ZBTB20: variants seen among roughly 807,000 people sequenced by gnomAD.
The protein encoded by ZBTB20 is zinc finger and BTB domain-containing protein 20.
ZBTB20 carries 9 observed loss-of-function variants against 56.9 expected under a neutral mutation model. The ratio of observed to expected loss-of-function variants is 0.16; its 90% confidence interval spans 0.10 to 0.28. The LOEUF (loss-of-function observed/expected upper bound fraction) is 0.28. Among genes scored for constraint, ZBTB20 ranks in the 10% least tolerant of loss-of-function variants. The probability of loss-of-function intolerance (pLI) is 1.00; values close to 1 mark genes in which losing one functional copy is unlikely to be tolerated. For synonymous variants in ZBTB20, 417 were observed against 420.7 expected (o/e 0.99, Z 0.11); for missense variants, 655 against 1,003.0 (o/e 0.65, Z 4.69).
rs1165405698 is a variant in ZBTB20 at position 114,656,880 on chromosome 3, TGGG to T, written c.-295+36645_-295+36647del. Among the ~76,000 whole-genome samples, 3 of 152,138 alleles carry T rather than the reference TGGG, an allele frequency of 2.0e-5. No homozygotes were observed. The East Asian group carries it at 5.8e-4, about 29-fold the overall frequency. Reference sequence around the variant, plus strand: ...CTCATGCCTCAGCCTTCTGAGTAGCTGGGATTATAAGCATACGCCACCACATCT... The same window carrying T: ...CTCATGCCTCAGCCTTCTGAGTAGCTATTATAAGCATACGCCACCACATCT... On this transcript the variant is annotated intron_variant, in intron 6 of 11. Coordinates refer to ENST00000675478, the MANE Select transcript of ZBTB20 (RefSeq NM_001348800.3).
At chr3:114,560,298 C>G (rs1200327556) in intron 6 of ZBTB20, among the ~76,000 whole-genome samples, 2 of 152,164 alleles carry the variant, frequency 1.3e-5, no homozygotes, top group Non-Finnish European at 2.9e-5. Flanking sequence ...TGTAAGGTTT[C>G]TCTTGAGTCT....
rs368042164 is a variant in ZBTB20 at position 115,085,941 on chromosome 3, T to C, written c.-702-14527A>G. Among the ~76,000 whole-genome samples the C allele has an allele frequency of 1.3e-4, 20 of 151,966 alleles. No homozygotes were observed. The South Asian group carries it at 2.3e-3, about 17-fold the overall frequency. ...CTCCCTTGCACTCAAATTTAGGAGT[T>C]CATAAAAACAATTTTTAAAAGCACC... is the stretch of plus-strand genomic sequence containing the variant. On this transcript the variant is annotated intron_variant, in intron 1 of 11. Transcript: ENST00000675478.
chr3:115,131,239 T>A (rs992391964), intron 1 of ZBTB20, among the ~76,000 whole-genome samples: 1 of 152,188 alleles, frequency 6.6e-6, no homozygotes, highest in Non-Finnish European at 1.5e-5. Context: ...TTAGTATGCA[T>A]CCTGCTACAT....
chr3:114,976,468 T>A (rs972186600), intron 2 of ZBTB20, among the ~76,000 whole-genome samples: 66 of 151,938 alleles, frequency 4.3e-4, no homozygotes, highest in African/African-American at 1.6e-3. Context: ...TCTACTAAAA[T>A]ACAAAAAATT....
At chr3:114,911,779 T>C (rs915249541) in intron 3 of ZBTB20, among the ~76,000 whole-genome samples, 2 of 151,406 alleles carry the variant, frequency 1.3e-5, no homozygotes, top group Non-Finnish European at 2.9e-5. Context: ...TATGGGACAA[T>C]ACCAAGTGTA....
chr3:114,714,591 C>T (rs1383209188), intron 5 of ZBTB20, among the ~76,000 whole-genome samples: 1 of 151,744 alleles, frequency 6.6e-6, no homozygotes, highest in Non-Finnish European at 1.5e-5. Context: ...CATTGTGTCC[C>T]CTTCTTCTTC....
chr3:114,480,921 T>A (rs954066237), intron 7 of ZBTB20, among the ~76,000 whole-genome samples: 1 of 152,198 alleles, frequency 6.6e-6, no homozygotes, highest in East Asian at 1.9e-4. Context: ...GTTTCATTTT[T>A]AAAATTATTA....
chr3:114,770,405 T>C (rs1486645783), intron 5 of ZBTB20, among the ~76,000 whole-genome samples: 1 of 150,886 alleles, frequency 6.6e-6, no homozygotes, highest in Non-Finnish European at 1.5e-5. Flanking sequence ...GCTGAGATTA[T>C]GCCATTGCAC....
chr3:114,495,449 G>GTA (rs1207947266), intron 7 of ZBTB20, among the ~76,000 whole-genome samples: 2 of 142,062 alleles, frequency 1.4e-5, no homozygotes, highest in East Asian at 2.0e-4. Flanking sequence ...GCAAGTCTGT[G>GTA]TATACACACA....
chr3:114,725,285 A>G (rs1179793327), intron 5 of ZBTB20, among the ~76,000 whole-genome samples: 2 of 152,210 alleles, frequency 1.3e-5, no homozygotes, highest in African/African-American at 4.8e-5. Flanking sequence ...CTTCTCAACA[A>G]TTATCATTTA....
intron 6 of ZBTB20, among the ~76,000 whole-genome samples, chr3:114,539,209 G>A (rs911324997): frequency 5.3e-5 from 8 of 152,094 alleles, no homozygotes; most frequent in Admixed American, 2.0e-4. Context: ...CTGCTAGTTG[G>A]TGGCCAGAAC....
rs144472892 is a variant in ZBTB20 at position 114,755,040 on chromosome 3, T to G, written c.-343+46061A>C. Among the ~76,000 whole-genome samples, 981 of 152,302 alleles carry G rather than the reference T, an allele frequency of 6.4e-3. 6 individuals carry two copies. Among genetic ancestry groups the G allele is most frequent in the African/African-American group, 0.021 (881 of 41,568 alleles). On this transcript the variant is annotated intron_variant, in intron 5 of 11. Transcript: ENST00000675478. ...TCCTAAACTGCAGATCCAGGCTACATTCTCAGAGCTTCTGATTTAGAAATT... is the reference window on the plus strand; with the variant it reads ...TCCTAAACTGCAGATCCAGGCTACAGTCTCAGAGCTTCTGATTTAGAAATT...
chr3:114,860,926 C>T lies in ZBTB20; in HGVS notation c.-417+39378G>A, dbSNP rs116948724. On this transcript the variant is annotated intron_variant, in intron 4 of 11. Transcript: ENST00000675478. ...ACTGGGAATCGCCTCATAAGCATGT[C>T]TTCCAACCCTACAGGTTGTATAAGG... 1.6e-4 allele frequency among the ~76,000 whole-genome samples: 24 copies of T among 152,342 alleles called. 1 individual carries two copies. In the East Asian group the frequency reaches 4.4e-3, roughly 28 times the overall value.
intron 3 of ZBTB20, chr3:114,931,276 G>T: frequency 1.0e-5 from 2 of 193,870 alleles, no homozygotes. Context: ...CGGCAGTGAA[G>T]AGAGTAAAGA....
chr3:114,819,798 T>C (rs1027400830), intron 4 of ZBTB20, among the ~76,000 whole-genome samples: 1 of 151,844 alleles, frequency 6.6e-6, no homozygotes, highest in African/African-American at 2.4e-5. Flanking sequence ...AAATTGACCA[T>C]ACAAATATTT....
At chr3:115,122,482 C>G (rs1325365032) in intron 1 of ZBTB20, among the ~76,000 whole-genome samples, 1 of 152,048 alleles carries the variant, frequency 6.6e-6, no homozygotes, top group Non-Finnish European at 1.5e-5. Flanking sequence ...CAAAAAATTA[C>G]TTCCTACATT....
intron 5 of ZBTB20, among the ~76,000 whole-genome samples, chr3:114,752,845 A>T (rs2067673201): frequency 6.6e-6 from 1 of 151,982 alleles, no homozygotes; most frequent in Admixed American, 6.6e-5. Context: ...TTGAAGATTG[A>T]CCCCATTACT....
At chr3:114,393,245 C>T (rs1371239357) in intron 7 of ZBTB20, among the ~76,000 whole-genome samples, 1 of 152,110 alleles carries the variant, frequency 6.6e-6, no homozygotes, top group Non-Finnish European at 1.5e-5. Flanking sequence ...CTTACTTCTC[C>T]TTTTGCCCCC....
chr3:115,007,819 T>C lies in ZBTB20; in HGVS notation c.-506-33403A>G, dbSNP rs143394138. Among the ~76,000 whole-genome samples the C allele has an allele frequency of 1.4e-3, 215 of 151,952 alleles. 1 individual carries two copies. In the Middle Eastern group the frequency reaches 0.041, roughly 29 times the overall value. On this transcript the variant is annotated intron_variant, in intron 2 of 11. Transcript: ENST00000675478. ...CAAATCACAAGACGGTCAAATCCAA[T>C]TGAATATATTTTGACTTGACCTTAC...
Sources: gnomAD v4.1 joint callset for allele counts (sites outside exome capture counted in the v4.1 genomes callset) on GRCh38, gnomAD v4.1.1 for gene constraint, MANE v1.5 for transcripts, NCBI Gene and HGNC (gene_info 2026-07-23, HGNC 2026-07-21) for gene names.